VIT: variants seen among roughly 807,000 people sequenced by gnomAD.
VIT encodes the protein vitrin.
Under a neutral mutation model 78.0 loss-of-function variants are expected in VIT, and 99 were observed. That is an observed-to-expected ratio of 1.27 (90% CI 1.08 to 1.50). The LOEUF is 1.50. VIT is among the 40% of genes most tolerant of loss of function. The pLI is 0.00. For missense variants in VIT, 1,126 were observed against 875.3 expected (o/e 1.29, Z -3.61); for synonymous variants, 374 against 334.3 (o/e 1.12, Z -1.29).
chr2:36,749,678 C>T (rs150209161), intron 4 of VIT, among the ~76,000 whole-genome samples: 2,724 of 152,278 alleles, frequency 0.018, 34 homozygotes, highest in Middle Eastern at 0.065. Context: ...CTGACTGCAG[C>T]ACCTGTACTC....
chr2:36,801,942 T>C (rs1458649076), intron 13 of VIT, among the ~76,000 whole-genome samples: 18 of 152,232 alleles, frequency 1.2e-4, no homozygotes, highest in Admixed American at 1.2e-3. Context: ...TCAAGTCTGC[T>C]GTCCTGACTA....
chr2:36,726,495 T>G (rs897966688), intron 2 of VIT, among the ~76,000 whole-genome samples: 3 of 152,244 alleles, frequency 2.0e-5, no homozygotes, highest in African/African-American at 7.2e-5. Context: ...AACATGATTT[T>G]TTTCAATAAT....
chr2:36,711,047 T>C (rs1328046516), intron 1 of VIT, among the ~76,000 whole-genome samples: 1 of 152,210 alleles, frequency 6.6e-6, no homozygotes, highest in East Asian at 1.9e-4. Flanking sequence ...ATGCCAGTCC[T>C]CCACATCCTC....
At chr2:36,798,053 A>T (rs954616583) in intron 12 of VIT, among the ~76,000 whole-genome samples, 6 of 152,194 alleles carry the variant, frequency 3.9e-5, no homozygotes, top group African/African-American at 1.4e-4. Flanking sequence ...GTTCATTTTG[A>T]CTAGAACATG....
chr2:36,785,415 G>A (rs999408519), intron 11 of VIT, among the ~76,000 whole-genome samples: 1 of 152,094 alleles, frequency 6.6e-6, no homozygotes, highest in African/African-American at 2.4e-5. Context: ...AAAAAAAAAT[G>A]AGTTGGCCTT....
At chr2:36,728,168 C>T (rs114885757) in intron 2 of VIT, among the ~76,000 whole-genome samples, 8,512 of 152,056 alleles carry the variant, frequency 0.056, 358 homozygotes, top group Non-Finnish European at 0.082. Context: ...TGACCTCAGG[C>T]GATCCACCCA....
chr2:36,761,319 C>A (rs1669104159), intron 6 of VIT, among the ~76,000 whole-genome samples: 1 of 152,076 alleles, frequency 6.6e-6, no homozygotes, highest in Admixed American at 6.5e-5. Flanking sequence ...GGCTTCTGAC[C>A]CCTCCTGTTT....
chr2:36,726,766 C>A (rs1365329288), intron 2 of VIT, among the ~76,000 whole-genome samples: 1 of 144,270 alleles, frequency 6.9e-6, no homozygotes, highest in Non-Finnish European at 1.5e-5. Flanking sequence ...TTGCAGTGGG[C>A]CGAAATCACA....
At chr2:36,790,567 T>C (rs530072483) in intron 12 of VIT, among the ~76,000 whole-genome samples, 89 of 152,232 alleles carry the variant, frequency 5.8e-4, no homozygotes, top group African/African-American at 2.1e-3. Flanking sequence ...ATCACACGCC[T>C]CCAGGAATAG....
intron 15 of VIT, among the ~76,000 whole-genome samples, chr2:36,811,627 G>A (rs547665249): frequency 3.3e-4 from 50 of 151,944 alleles, no homozygotes; most frequent in African/African-American, 1.2e-3. Flanking sequence ...GAGTGGACTT[G>A]GGATCTGGAA....
In VIT at chr2:36,712,342, G is replaced by A. The variant is rs186774425; in HGVS notation, c.-18-4011G>A. The stretch of plus-strand genomic sequence containing the variant: ...ATCGCGGGGATTAGAGCAACTCCCG[G>A]AATCCCGTTGGTTTTTATCCATTCA... On this transcript the variant is annotated intron_variant, in intron 1 of 15. Transcript: ENST00000379242. 7.2e-4 allele frequency among the ~76,000 whole-genome samples: 109 copies of A among 152,244 alleles called. 1 individual carries two copies. In the East Asian group the frequency reaches 0.014, roughly 20 times the overall value.
intron 1 of VIT, among the ~76,000 whole-genome samples, chr2:36,713,617 A>T (rs1456104133): frequency 6.6e-6 from 1 of 152,220 alleles, no homozygotes; most frequent in African/African-American, 2.4e-5. Flanking sequence ...GCAATAATCT[A>T]GGTGGGAGAG....
chr2:36,715,534 TA>T (rs1226621566), intron 1 of VIT, among the ~76,000 whole-genome samples: 102 of 138,114 alleles, frequency 7.4e-4, no homozygotes, highest in Middle Eastern at 3.8e-3. Flanking sequence ...AGACTACGTC[TA>T]AAAAAAAAAA....
intron 2 of VIT, among the ~76,000 whole-genome samples, chr2:36,726,818 C>CAAAAAAAAA (rs758452109): frequency 2.0e-4 from 22 of 111,600 alleles, no homozygotes; most frequent in African/African-American, 8.7e-4. Context: ...GACTCTGTCT[C>CAAAAAAAAA]AAAAAAAAAA....
chr2:36,792,805 G>A (rs1665597193), intron 12 of VIT, among the ~76,000 whole-genome samples: 2 of 152,238 alleles, frequency 1.3e-5, no homozygotes, highest in South Asian at 4.2e-4. Context: ...GAGGGCTGGG[G>A]GAGCTCCACC....
intron 14 of VIT, among the ~76,000 whole-genome samples, chr2:36,806,739 A>T (rs1203920492): frequency 6.6e-6 from 1 of 151,516 alleles, no homozygotes; most frequent in Admixed American, 6.6e-5. Flanking sequence ...TTATTTTTTT[A>T]TTTTTAGTAG....
chr2:36,719,127 C>T (rs1666338862), intron 2 of VIT, among the ~76,000 whole-genome samples: 1 of 152,212 alleles, frequency 6.6e-6, no homozygotes, highest in Admixed American at 6.5e-5. Context: ...CTGCCCTTGC[C>T]CTTCTGGCTT....
chr2:36,800,754 A>T (rs115904766), intron 12 of VIT, among the ~76,000 whole-genome samples: 1 of 152,234 alleles, frequency 6.6e-6, no homozygotes, highest in Non-Finnish European at 1.5e-5. Context: ...TTCAGTCTTC[A>T]GCAAAATAGA....
At chr2:36,707,230 C>G (rs577648984) in intron 1 of VIT, among the ~76,000 whole-genome samples, 3 of 152,256 alleles carry the variant, frequency 2.0e-5, no homozygotes, top group South Asian at 2.1e-4. Flanking sequence ...GGCCCAGCCC[C>G]CAGGCACAAG....
Sources: allele counts gnomAD v4.1 joint callset (sites outside exome capture counted in the v4.1 genomes callset), GRCh38; gene constraint gnomAD v4.1.1; transcripts MANE v1.5; gene names NCBI Gene and HGNC (gene_info 2026-07-23, HGNC 2026-07-21).